The following RPL22 variants were observed in gnomAD, a reference collection of about 807,000 sequenced individuals.
RPL22 encodes the protein large ribosomal subunit protein eL22.
RPL22 carries 4 observed loss-of-function variants against 16.2 expected under a neutral mutation model. That is an observed-to-expected ratio of 0.25 (90% CI 0.12 to 0.57). The LOEUF is 0.57. Ranked by LOEUF, RPL22 falls within the 20% of genes least tolerant of loss-of-function variation. The probability of loss-of-function intolerance (pLI) is 0.92; values close to 1 mark genes in which losing one functional copy is unlikely to be tolerated. For missense variants in RPL22, 83 were observed against 156.1 expected, an observed-to-expected ratio of 0.53 and a Z score of 2.49; for synonymous variants, 43 against 54.8, an observed-to-expected ratio of 0.78 and a Z score of 0.95.
intron 1 of RPL22, chr1:6,198,324 G>A (rs1013799306): frequency 1.3e-5 from 2 of 152,822 alleles, no homozygotes; most frequent in African/African-American, 4.8e-5. Context: ...CTCCAGCTTG[G>A]ACAAGGTTAA....
chr1:6,199,070 A>G (rs3827723), intron 1 of RPL22: 51,381 of 161,750 alleles, frequency 0.32, 8,525 homozygotes, highest in African/African-American at 0.41. Context: ...CTGATAAACT[A>G]ATTTCCTCTG....
chr1:6,197,781 A>C (rs1385996213), intron 1 of RPL22, 25 bp from the exon 2 acceptor site: 1 of 1,490,112 alleles, frequency 6.7e-7, no homozygotes, highest in Non-Finnish European at 9.4e-7. Flanking sequence ...AAATGATAAC[A>C]GAGATGAAGT....
At chr1:6,186,873 AT>A in intron 3 of RPL22, 57 bp from the exon 4 acceptor site, 4 of 1,594,272 alleles carry the variant, frequency 2.5e-6, no homozygotes, top group Non-Finnish European at 3.4e-6. Context: ...ATTCTAAAAC[AT>A]TTTAACATTT....
intron 3 of RPL22, among the ~76,000 whole-genome samples, chr1:6,188,779 A>G (rs939164224): frequency 4.6e-5 from 7 of 150,808 alleles, no homozygotes; most frequent in African/African-American, 1.7e-4. Flanking sequence ...AGATGCTCAG[A>G]GAGATCCCTG....
intron 3 of RPL22, among the ~76,000 whole-genome samples, chr1:6,189,175 C>T (rs1431874599): frequency 2.7e-5 from 4 of 148,876 alleles, no homozygotes; most frequent in African/African-American, 1.0e-4. Context: ...GTGCTCCACA[C>T]CAACAAAGCA....
intron 1 of RPL22, 38 bp downstream of exon 1, chr1:6,199,524 T>TC: frequency 6.4e-7 from 1 of 1,552,056 alleles, no homozygotes; most frequent in South Asian, 1.2e-5. Flanking sequence ...CCCACGTGCC[T>TC]CCCCTGGAGC....
Position 6,185,575 on chromosome 1 carries a change from C to A in RPL22, c.*1097G>T. The A allele has an allele frequency of 2.5e-6, 1 of 392,930 alleles. No individual in the cohort carries two copies. Among genetic ancestry groups the A allele is most frequent in the Admixed American group, 4.4e-5 (1 of 22,572 alleles). 24.3% of individuals were successfully genotyped at this position (392,930 alleles called of 1,614,324 possible). A position where few individuals can be genotyped will look rare whatever the true frequency, so the allele number is the denominator to read the frequency against. On this transcript the variant is annotated 3_prime_UTR_variant, in exon 4 of 4. Transcript: ENST00000234875. ...GCACAATTTCAAGTGTGGAAACCAT[C>A]TGTAGGCAAGCTCTTTTAAAAACAT... is the stretch of plus-strand genomic sequence containing the variant.
intron 2 of RPL22, among the ~76,000 whole-genome samples, chr1:6,196,783 GAA>G (rs113792721): frequency 7.9e-5 from 11 of 138,492 alleles, no homozygotes; most frequent in African/African-American, 2.9e-4. Context: ...AAGATCTGAA[GAA>G]AAAAAAAAAA....
intron 3 of RPL22, among the ~76,000 whole-genome samples, chr1:6,192,523 C>T (rs1667664751): frequency 1.3e-5 from 2 of 152,080 alleles, no homozygotes; most frequent in East Asian, 3.9e-4. Flanking sequence ...CATGGTGAAA[C>T]CCCCGTTTCT....
chr1:6,188,108 T>C (rs999419216), intron 3 of RPL22, among the ~76,000 whole-genome samples: 2 of 152,222 alleles, frequency 1.3e-5, no homozygotes, highest in East Asian at 1.9e-4. Context: ...CCAGGCTCAC[T>C]GCAACCTCTG....
In RPL22 at chr1:6,187,262, T is replaced by G. The variant is rs375858011; in HGVS notation, c.243-446A>C. ...GGCGGAGGGTGTAGTGAGCTAAGAT[T>G]GTACCACTGTATTCCAGCCTGGGTG... On this transcript the variant is annotated intron_variant, in intron 3 of 3. Coordinates refer to ENST00000234875, the MANE Select transcript of RPL22 (RefSeq NM_000983.4). 1.1e-3 allele frequency among the ~76,000 whole-genome samples: 161 copies of G among 151,396 alleles called. 6 individuals carry two copies. In the South Asian group the frequency reaches 0.033, roughly 31 times the overall value.
In RPL22 at chr1:6,186,440, G is replaced by A. The variant is rs1667582616; in HGVS notation, c.*232C>T. ...TGCCTCCCCAATGGCTGTCAGTTCG[G>A]TAAAGTCACCCTCTCCTTCTACTCT... On this transcript the variant is annotated 3_prime_UTR_variant, in exon 4 of 4. Transcript: ENST00000234875. 1 of 400,256 alleles carries A rather than the reference G, an allele frequency of 2.5e-6. No homozygotes were observed. Among genetic ancestry groups the A allele is most frequent in the East Asian group, 4.4e-5 (1 of 22,480 alleles). 24.8% of individuals were successfully genotyped at this position (400,256 alleles called of 1,614,324 possible). A position where few individuals can be genotyped will look rare whatever the true frequency, so the allele number is the denominator to read the frequency against.
At chr1:6,196,006 T>C (rs1456883342) in intron 2 of RPL22, among the ~76,000 whole-genome samples, 1 of 152,174 alleles carries the variant, frequency 6.6e-6, no homozygotes, top group African/African-American at 2.4e-5. Flanking sequence ...GAGATTGTGG[T>C]GAGCCGAGAC....
chr1:6,192,544 C>A (rs967416010), intron 3 of RPL22, among the ~76,000 whole-genome samples: 2 of 151,946 alleles, frequency 1.3e-5, no homozygotes, highest in Non-Finnish European at 2.9e-5. Flanking sequence ...ACTAAAAATA[C>A]AAAAATTATC....
At chr1:6,188,408 G>A (rs1667608663) in intron 3 of RPL22, among the ~76,000 whole-genome samples, 1 of 152,128 alleles carries the variant, frequency 6.6e-6, no homozygotes, top group East Asian at 1.9e-4. Context: ...ATGACCTAAG[G>A]GCTGGGCACA....
chr1:6,196,605 A>T (rs1039222513), intron 2 of RPL22, among the ~76,000 whole-genome samples: 1 of 152,184 alleles, frequency 6.6e-6, no homozygotes, highest in Non-Finnish European at 1.5e-5. Flanking sequence ...ACAAATACGA[A>T]GTCTGAATCC....
In RPL22 at chr1:6,185,462, A is replaced by T; in HGVS notation, c.*1210T>A. The T allele has an allele frequency of 2.5e-6, 1 of 398,428 alleles. No homozygotes were observed. Among genetic ancestry groups the T allele is most frequent in the Non-Finnish European group, 4.4e-6 (1 of 225,800 alleles). The allele number at this position is 398,428 out of a possible 1,614,324, so 24.7% of individuals were successfully genotyped here. ...ACAAGTGAAATTGCAAAGCCTCAAC[A>T]CGTTCAACTCAATCCACAGAGCACC... On this transcript the variant is annotated 3_prime_UTR_variant, in exon 4 of 4. Coordinates refer to ENST00000234875, the MANE Select transcript of RPL22 (RefSeq NM_000983.4).
rs904877126 is a variant in RPL22 at position 6,186,017 on chromosome 1, T to C, written c.*655A>G. On this transcript the variant is annotated 3_prime_UTR_variant, in exon 4 of 4. Coordinates refer to ENST00000234875, the MANE Select transcript of RPL22 (RefSeq NM_000983.4). ...AAAGTGACAGTTTGTTGCAAAGACC[T>C]GTAGAAACATTACTTACACGTTCAT... The C allele has an allele frequency of 3.5e-5, 8 of 230,694 alleles. No homozygotes were observed. The East Asian group carries it at 4.3e-4, about 12-fold the overall frequency. 14.3% of individuals were successfully genotyped at this position (230,694 alleles called of 1,614,324 possible). A position where few individuals can be genotyped will look rare whatever the true frequency, so the allele number is the denominator to read the frequency against.
intron 3 of RPL22, among the ~76,000 whole-genome samples, 168 bp downstream of exon 3, chr1:6,192,762 T>C (rs1667668868): frequency 6.6e-6 from 1 of 152,244 alleles, no homozygotes; most frequent in Non-Finnish European, 1.5e-5. Context: ...AAGTTGACTA[T>C]TGTTAACAAC....
Sources: allele counts gnomAD v4.1 joint callset (sites outside exome capture counted in the v4.1 genomes callset), GRCh38; gene constraint gnomAD v4.1.1; transcripts MANE v1.5; gene names NCBI Gene and HGNC (gene_info 2026-07-23, HGNC 2026-07-21).